Variants in TTC27 observed in about 807,000 individuals in gnomAD.
The protein encoded by TTC27 is tetratricopeptide repeat protein 27.
A neutral mutation model predicts 115.9 loss-of-function variants in TTC27; 79 were observed. The observed-to-expected ratio is 0.68, with a 90% CI of 0.57 to 0.82. TTC27 has a LOEUF of 0.82. TTC27 is among the 40% of genes least tolerant of loss of function. The pLI, the probability that TTC27 is intolerant of heterozygous loss-of-function variation, is 0.00. For missense variants in TTC27, 1,054 were observed against 993.1 expected, an observed-to-expected ratio of 1.06 and a Z score of -0.82; for synonymous variants, 401 against 356.0, an observed-to-expected ratio of 1.13 and a Z score of -1.42.
chr2:32,657,784 G>C (rs973985478), intron 5 of TTC27, among the ~76,000 whole-genome samples: 2 of 152,008 alleles, frequency 1.3e-5, no homozygotes, highest in Non-Finnish European at 2.9e-5. Flanking sequence ...TGACCAGTCA[G>C]TAAGCTGAGC....
chr2:32,793,872 G>A (rs1052846017), intron 16 of TTC27, among the ~76,000 whole-genome samples: 1 of 151,980 alleles, frequency 6.6e-6, no homozygotes, highest in African/African-American at 2.4e-5. Context: ...TATGATTTAA[G>A]AGACTAATAC....
intron 10 of TTC27, among the ~76,000 whole-genome samples, chr2:32,712,429 GAAATA>G (rs1340415667): frequency 5.3e-5 from 8 of 152,138 alleles, no homozygotes; most frequent in African/African-American, 1.9e-4. Flanking sequence ...GAAGCTGCTT[GAAATA>G]AAATAAGATT....
intron 13 of TTC27, among the ~76,000 whole-genome samples, chr2:32,770,103 T>G (rs1329787173): frequency 6.6e-6 from 1 of 152,202 alleles, no homozygotes; most frequent in Non-Finnish European, 1.5e-5. Flanking sequence ...GACTAGCGGA[T>G]GTAAAAACCA....
intron 13 of TTC27, among the ~76,000 whole-genome samples, chr2:32,762,037 AAC>A (rs1432928490): frequency 4.6e-5 from 7 of 152,356 alleles, no homozygotes; most frequent in East Asian, 3.9e-4. Flanking sequence ...TAGTGAAGCA[AAC>A]ACAGACAGAA....
chr2:32,684,983 C>T (rs1450755899), intron 9 of TTC27, among the ~76,000 whole-genome samples: 1 of 144,674 alleles, frequency 6.9e-6, no homozygotes, highest in Non-Finnish European at 1.5e-5. Context: ...TTCACCTTCT[C>T]GTTGAAACTA....
intron 13 of TTC27, among the ~76,000 whole-genome samples, chr2:32,763,308 G>T (rs772084789): frequency 1.3e-5 from 2 of 152,132 alleles, no homozygotes; most frequent in Admixed American, 6.5e-5. Flanking sequence ...GAGGGAGAAC[G>T]CCTATATGCT....
chr2:32,675,494 A>G (rs1166462887), intron 8 of TTC27, among the ~76,000 whole-genome samples: 1 of 152,138 alleles, frequency 6.6e-6, no homozygotes, highest in East Asian at 1.9e-4. Flanking sequence ...TAGAGCAGAT[A>G]AAAGCACAGA....
rs141660510 is a variant in TTC27 at position 32,651,304 on chromosome 2, A to C, written c.640+1071A>C. Among the ~76,000 whole-genome samples the C allele has an allele frequency of 9.5e-3, 1,446 of 152,320 alleles. 12 individuals carry two copies. The highest frequency in any genetic ancestry group is 0.027 in the Middle Eastern group (8 of 294). On this transcript the variant is annotated intron_variant, in intron 5 of 19. Transcript: ENST00000317907. ...TATAACATAACTCTCATGTGTGTGC[A>C]TGTATAATATAAGGGGCTCTTGTAC...
chr2:32,801,044 C>A (rs1670915613), intron 16 of TTC27, among the ~76,000 whole-genome samples: 1 of 152,104 alleles, frequency 6.6e-6, no homozygotes, highest in African/African-American at 2.4e-5. Flanking sequence ...GGTCACTAGC[C>A]ATAGTAAGGG....
chr2:32,801,008 T>C (rs1345006171), intron 16 of TTC27, among the ~76,000 whole-genome samples: 1 of 152,198 alleles, frequency 6.6e-6, no homozygotes, highest in African/African-American at 2.4e-5. Flanking sequence ...AAATAAGGAC[T>C]TCTGGCCAGT....
intron 12 of TTC27, among the ~76,000 whole-genome samples, chr2:32,737,851 A>G (rs192406638): frequency 1.0e-3 from 152 of 152,198 alleles, no homozygotes; most frequent in African/African-American, 3.5e-3. Context: ...AAAAAACAAA[A>G]TTAAAAAATA....
chr2:32,655,753 CAG>C (rs1407212374), intron 5 of TTC27, among the ~76,000 whole-genome samples: 1 of 148,846 alleles, frequency 6.7e-6, no homozygotes, highest in Admixed American at 6.7e-5. Context: ...TTTTGAGAGA[CAG>C]AGTCTCGATC....
intron 9 of TTC27, among the ~76,000 whole-genome samples, chr2:32,681,110 A>T (rs910739031): frequency 2.0e-4 from 30 of 152,108 alleles, no homozygotes; most frequent in Non-Finnish European, 1.0e-4. Context: ...CATCCTGAAG[A>T]CCGACCTCTT....
chr2:32,715,866 G>GTT (rs71407464), intron 10 of TTC27, among the ~76,000 whole-genome samples: 4 of 141,886 alleles, frequency 2.8e-5, no homozygotes, highest in South Asian at 2.2e-4. Flanking sequence ...CTTTATGTTT[G>GTT]TTTTTTTTTT....
At chr2:32,697,250 A>G (rs72787555) in intron 9 of TTC27, among the ~76,000 whole-genome samples, 3,088 of 152,100 alleles carry the variant, frequency 0.02, 45 homozygotes, top group Non-Finnish European at 0.033. Context: ...GGTAATAGCA[A>G]ATTATATCAG....
intron 9 of TTC27, among the ~76,000 whole-genome samples, chr2:32,688,207 A>G (rs572938228): frequency 2.6e-5 from 4 of 152,194 alleles, no homozygotes; most frequent in Non-Finnish European, 5.9e-5. Context: ...TTTGTAAACC[A>G]AACAATTAAA....
At chr2:32,708,315 T>G (rs1324783327) in intron 10 of TTC27, among the ~76,000 whole-genome samples, 1 of 132,222 alleles carries the variant, frequency 7.6e-6, no homozygotes, top group East Asian at 2.2e-4. Context: ...TTTTTTTTTT[T>G]TTTTTTTTTT....
intron 14 of TTC27, among the ~76,000 whole-genome samples, chr2:32,782,035 A>G (rs1412056410): frequency 2.0e-5 from 3 of 152,240 alleles, no homozygotes; most frequent in African/African-American, 4.8e-5. Flanking sequence ...GAAAAGTGGA[A>G]CAAAGAGAAA....
intron 13 of TTC27, among the ~76,000 whole-genome samples, chr2:32,762,609 C>T (rs1669478299): frequency 2.0e-5 from 3 of 148,760 alleles, no homozygotes; most frequent in Admixed American, 6.7e-5. Context: ...GAGACTGTAG[C>T]AATAGTTTAG....
Sources: gnomAD v4.1 joint callset for allele counts (sites outside exome capture counted in the v4.1 genomes callset) on GRCh38, gnomAD v4.1.1 for gene constraint, MANE v1.5 for transcripts, NCBI Gene and HGNC (gene_info 2026-07-23, HGNC 2026-07-21) for gene names.